ABI2: variants seen among roughly 807,000 people sequenced by gnomAD.
The protein encoded by ABI2 is abl interactor 2, also known as abelson interactor 2.
In ABI2, 25 loss-of-function variants were observed where a neutral mutation model predicts 59.2. The ratio of observed to expected loss-of-function variants is 0.42; its 90% CI spans 0.31 to 0.59. The LOEUF (loss-of-function observed/expected upper bound fraction) is 0.59, where lower values mean the gene tolerates loss of function less well. Ranked by LOEUF, ABI2 falls within the 20% of genes least tolerant of loss-of-function variation. The probability of loss-of-function intolerance (pLI) is 0.14; values close to 1 mark genes in which losing one functional copy is unlikely to be tolerated. For missense variants in ABI2, 545 were observed against 681.8 expected (o/e 0.80, Z 2.23); for synonymous variants, 213 against 235.5 (o/e 0.90, Z 0.87).
intron 4 of ABI2, 138 bp downstream of exon 4, chr2:203,382,344 G>A (rs2096190405): frequency 1.3e-6 from 1 of 777,366 alleles, no homozygotes; most frequent in Non-Finnish European, 2.0e-6. Flanking sequence ...TTTTTGTCAT[G>A]CAACTTTGTG....
intron 10 of ABI2, among the ~76,000 whole-genome samples, chr2:203,413,612 G>A (rs541684891): frequency 6.6e-6 from 1 of 152,206 alleles, no homozygotes; most frequent in African/African-American, 2.4e-5. Flanking sequence ...AAAAAATTGT[G>A]TATGAGGTGT....
chr2:203,378,579 A>T (rs1185807632), intron 2 of ABI2, among the ~76,000 whole-genome samples: 2 of 152,160 alleles, frequency 1.3e-5, no homozygotes, highest in South Asian at 2.1e-4. Flanking sequence ...TTTCAGGCTT[A>T]CCTCATACTT....
chr2:203,328,721 C>T (rs979262885), intron 1 of ABI2, 90 bp downstream of exon 1: 1 of 804,634 alleles, frequency 1.2e-6, no homozygotes, highest in South Asian at 2.3e-5. Context: ...GCCTCGGGGA[C>T]ACGGCCCAGC....
intron 8 of ABI2, among the ~76,000 whole-genome samples, chr2:203,398,961 T>C (rs2097113465): frequency 2.0e-5 from 3 of 152,190 alleles, no homozygotes; most frequent in South Asian, 2.1e-4. Context: ...AGAGGACATT[T>C]AGATTTTTCT....
In ABI2 at chr2:203,344,585, G is replaced by A. The variant is rs543192998; in HGVS notation, c.117+15954G>A. On this transcript the variant is annotated intron_variant, in intron 1 of 11. Transcript: ENST00000261018. ...TGTTTTTGTTTTTTTTTTTTGAGTCGGAGGTTTGCTCTTATTGCCCAGGCT... is the reference window on the plus strand; with the variant it reads ...TGTTTTTGTTTTTTTTTTTTGAGTCAGAGGTTTGCTCTTATTGCCCAGGCT... Among the ~76,000 whole-genome samples, 18 of 151,010 alleles carry A rather than the reference G, an allele frequency of 1.2e-4. No homozygotes were observed. In the East Asian group the frequency reaches 2.1e-3, roughly 18 times the overall value.
At chr2:203,376,058 C>A in intron 2 of ABI2, 2 of 1,532,466 alleles carry the variant, frequency 1.3e-6, no homozygotes, top group Non-Finnish European at 1.7e-6. Flanking sequence ...TATACTTAGG[C>A]AAATTAGAGG....
intron 11 of ABI2, among the ~76,000 whole-genome samples, chr2:203,417,863 A>G (rs2097967575): frequency 6.6e-6 from 1 of 152,202 alleles, no homozygotes; most frequent in Non-Finnish European, 1.5e-5. Flanking sequence ...GAGAGAAGGA[A>G]ATTAATTTTT....
At chr2:203,397,087 T>C in intron 8 of ABI2, 120 bp downstream of exon 8, 2 of 1,242,886 alleles carry the variant, frequency 1.6e-6, no homozygotes, top group Non-Finnish European at 2.0e-6. Context: ...AAAATAAGAA[T>C]AATGTACTAA....
rs545230147 is a variant in ABI2 at position 203,412,221 on chromosome 2, G to T, written c.1279+850G>T. 3.3e-5 allele frequency among the ~76,000 whole-genome samples: 5 copies of T among 152,248 alleles called. No individual in the cohort carries two copies. The South Asian group carries it at 1.0e-3, about 32-fold the overall frequency. ...AGGACTCCTGCTTATTTGGAAATGG[G>T]CACTGCCAGTACTAGAATGTAAGCT... On this transcript the variant is annotated intron_variant, in intron 10 of 11. Coordinates refer to ENST00000261018, the MANE Select transcript of ABI2 (RefSeq NM_001375670.1).
rs10527327 is a variant in ABI2, at chr2:203,385,139, C to CTTTTTTTTT, written c.480+2938_480+2946dup. ...TGAGCCACCGCACCCGGCTCAGATTCTTTTTTTTTTTTTGAGACAGTCTTG... is the reference window on the plus strand; with the variant it reads ...TGAGCCACCGCACCCGGCTCAGATTCTTTTTTTTTTTTTTTTTTTTTTGAGACAGTCTTG... On this transcript the variant is annotated intron_variant, in intron 4 of 11. Coordinates refer to ENST00000261018, the MANE Select transcript of ABI2 (RefSeq NM_001375670.1). Among the ~76,000 whole-genome samples, 200 of 69,962 alleles carry CTTTTTTTTT rather than the reference C, an allele frequency of 2.9e-3. 20 individuals carry two copies. In the Middle Eastern group the frequency reaches 0.083, roughly 29 times the overall value. 45.9% of individuals were successfully genotyped at this position (69,962 alleles called of 152,430 possible).
chr2:203,378,393 G>C (rs1010999684), intron 2 of ABI2, among the ~76,000 whole-genome samples: 1 of 152,172 alleles, frequency 6.6e-6, no homozygotes. Flanking sequence ...TTATAGGCGT[G>C]AGCCACCATG....
At chr2:203,334,083 G>T (rs915504373) in intron 1 of ABI2, among the ~76,000 whole-genome samples, 3 of 151,904 alleles carry the variant, frequency 2.0e-5, no homozygotes, top group Non-Finnish European at 4.4e-5. Context: ...TGGGACTACA[G>T]GCATGTGTCA....
intron 4 of ABI2, among the ~76,000 whole-genome samples, chr2:203,387,803 G>T (rs549351280): frequency 6.6e-6 from 1 of 152,226 alleles, no homozygotes; most frequent in Non-Finnish European, 1.5e-5. Context: ...CTGCAGTATT[G>T]CTTTGTTTTC....
chr2:203,376,733 CTT>C lies in ABI2; in HGVS notation c.286-3457_286-3456del, dbSNP rs370295013. ...TTTCTATTTACTGTATTGGTCTTCCCTTTTTTTTTTTTTTTTTTTACTGTTAT... is the reference window on the plus strand; with the variant it reads ...TTTCTATTTACTGTATTGGTCTTCCCTTTTTTTTTTTTTTTTTACTGTTAT... On this transcript the variant is annotated intron_variant, in intron 2 of 11. Coordinates refer to ENST00000261018, the MANE Select transcript of ABI2 (RefSeq NM_001375670.1). Among the ~76,000 whole-genome samples, 21 of 114,884 alleles carry C rather than the reference CTT, an allele frequency of 1.8e-4. 1 individual carries two copies. The highest frequency in any genetic ancestry group is 6.4e-4 in the African/African-American group (20 of 31,266). The allele number at this position is 114,884 out of a possible 152,430, so 75.4% of individuals were successfully genotyped here. A position where few individuals can be genotyped will look rare whatever the true frequency, so the allele number is the denominator to read the frequency against.
intron 2 of ABI2, chr2:203,367,247 G>A (rs2094538441): frequency 6.3e-6 from 4 of 636,762 alleles, no homozygotes; most frequent in Non-Finnish European, 8.8e-6. Context: ...AAAGTAAATC[G>A]TAATGAATTT....
intron 1 of ABI2, among the ~76,000 whole-genome samples, chr2:203,359,992 C>T (rs1207039125): frequency 6.6e-6 from 1 of 152,026 alleles, no homozygotes; most frequent in African/African-American, 2.4e-5. Context: ...TGAGACCATC[C>T]TGGCCAACAT....
At position 203,377,067 on chromosome 2, in the gene ABI2, C is replaced by T. The variant is rs529245488; in HGVS notation, c.286-3141C>T. On this transcript the variant is annotated intron_variant, in intron 2 of 11. Coordinates refer to ENST00000261018, the MANE Select transcript of ABI2 (RefSeq NM_001375670.1). ...GCATAGTGGCTCATGCCTATAATCC[C>T]AGCACTTTGGGAGACTGAGGCAGGA... Among the ~76,000 whole-genome samples, 4 of 152,242 alleles carry T rather than the reference C, an allele frequency of 2.6e-5. No homozygotes were observed. In the East Asian group the frequency reaches 5.8e-4, roughly 22 times the overall value.
In ABI2 at chr2:203,386,747, C is replaced by T. The variant is rs552125510; in HGVS notation, c.481-4299C>T. On this transcript the variant is annotated intron_variant, in intron 4 of 11. Coordinates refer to ENST00000261018, the MANE Select transcript of ABI2 (RefSeq NM_001375670.1). ...CCGCCTCCTGGGTTCAAGTGATTCTCCCTTCCTCAGACTTCCAAGCAGCTG... is the reference window on the plus strand; with the variant it reads ...CCGCCTCCTGGGTTCAAGTGATTCTTCCTTCCTCAGACTTCCAAGCAGCTG... Among the ~76,000 whole-genome samples the T allele has an allele frequency of 5.5e-4, 83 of 150,560 alleles. No individual in the cohort carries two copies. The East Asian group carries it at 0.013, about 24-fold the overall frequency.
intron 1 of ABI2, among the ~76,000 whole-genome samples, chr2:203,344,324 T>TTAAAA (rs1244547037): frequency 6.6e-6 from 1 of 152,148 alleles, no homozygotes; most frequent in Admixed American, 6.5e-5. Flanking sequence ...AATGATGTAT[T>TTAAAA]TCCTGATGAA....
Sources: gnomAD v4.1 joint callset for allele counts (sites outside exome capture counted in the v4.1 genomes callset) on GRCh38, gnomAD v4.1.1 for gene constraint, MANE v1.5 for transcripts, NCBI Gene and HGNC (gene_info 2026-07-23, HGNC 2026-07-21) for gene names.